The following L1TD1 variants were observed in gnomAD, a reference collection of about 807,000 sequenced individuals.
The protein encoded by L1TD1 is LINE-1 type transposase domain-containing protein 1.
A neutral mutation model predicts 25.7 loss-of-function variants in L1TD1; 26 were observed. That is an observed-to-expected ratio of 1.01 (90% CI 0.74 to 1.40). The LOEUF is 1.40. Among genes scored for constraint, L1TD1 ranks in the 40% most tolerant of loss-of-function variants. L1TD1 has a pLI of 0.00. For synonymous variants in L1TD1, 421 were observed against 335.6 expected (o/e 1.25, Z -2.78); for missense variants, 1,130 against 975.0 (o/e 1.16, Z -2.12).
At chr1:62,198,322 T>A in intron 2 of L1TD1, among the ~76,000 whole-genome samples, 1 of 148,080 alleles carries the variant, frequency 6.8e-6, no homozygotes. Context: ...GAGTGAGATC[T>A]CAAAAAAAAA....
At position 62,205,443 on chromosome 1, in the gene L1TD1, A is replaced by ATTTTTTTTTTTTTTTTTTTT. The variant is rs1261055805; in HGVS notation, c.-110-1067_-110-1066insTTTTTTTTTTTTTTTTTTTT. Among the ~76,000 whole-genome samples, 144 of 63,522 alleles carry ATTTTTTTTTTTTTTTTTTTT rather than the reference A, an allele frequency of 2.3e-3. 6 individuals are homozygous for ATTTTTTTTTTTTTTTTTTTT. The highest frequency in any genetic ancestry group is 2.9e-3 in the Non-Finnish European group (93 of 32,484). 41.7% of individuals were successfully genotyped at this position (63,522 alleles called of 152,430 possible). A position where few individuals can be genotyped will look rare whatever the true frequency, so the allele number is the denominator to read the frequency against. ...TATATATATATATATATATATATAT[A>ATTTTTTTTTTTTTTTTTTTT]TTTTTTTTTAGACAGTCTTGCTGTG... On this transcript the variant is annotated intron_variant, in intron 2 of 3. Coordinates refer to ENST00000498273, the MANE Select transcript of L1TD1 (RefSeq NM_019079.5).
intron 2 of L1TD1, among the ~76,000 whole-genome samples, chr1:62,204,672 A>G (rs1017394003): frequency 2.6e-5 from 4 of 152,058 alleles, no homozygotes; most frequent in Admixed American, 6.6e-5. Context: ...CCAGAGTGCT[A>G]GGATTACAGG....
intron 2 of L1TD1, 98 bp downstream of exon 2, chr1:62,196,626 C>G (rs1344853805): frequency 6.6e-6 from 1 of 152,212 alleles, no homozygotes. Flanking sequence ...GAGTTTCGCT[C>G]TTGTCGCCCA....
intron 2 of L1TD1, 136 bp downstream of exon 2, chr1:62,196,664 C>T (rs546085971): frequency 6.6e-6 from 1 of 152,330 alleles, no homozygotes; most frequent in Admixed American, 6.5e-5. Context: ...GCCATCTCCG[C>T]TCACTGCAAC....
rs535425231 is a variant in L1TD1, at chr1:62,207,564, A to T, written c.936A>T (p.Leu312Phe). The change falls in exon 3 of 4, where the codon TTA becomes TTT. Residue 312 changes from leucine (L) to phenylalanine (F), a missense_variant. Leu to Phe is a conservative substitution (Grantham distance 22). Transcript: ENST00000498273. Reference sequence around the variant, plus strand: ...GCCAAAAATCTTCTGTGAAAGAATTACTGAAAGATGTACTCCCACAAAAGG... The same window carrying T: ...GCCAAAAATCTTCTGTGAAAGAATTTCTGAAAGATGTACTCCCACAAAAGG... ...FASQKSSVKE[L>F]LKDVLPQKEE... is the part of the protein sequence containing the mutation. 4 of 1,550,988 alleles carry T rather than the reference A, an allele frequency of 2.6e-6. No individual in the cohort carries two copies. The East Asian group carries it at 9.8e-5, about 38-fold the overall frequency.
chr1:62,207,632 A>G lies in L1TD1; in HGVS notation c.1004A>G (p.Lys335Arg). The G allele has an allele frequency of 6.5e-7, 1 of 1,531,030 alleles. No homozygotes were observed. The allele number at this position is 1,531,030 out of a possible 1,614,324, so 94.8% of individuals were successfully genotyped here. Residue 335 changes from lysine to arginine, a missense_variant, in exon 3 of 4, where the codon AAA becomes AGA. Coordinates refer to ENST00000498273, the MANE Select transcript of L1TD1 (RefSeq NM_019079.5). ...GGAAGAAAATATGGAATTCAAGAAAAAAGGGTAAGCATACAAATGTATAAA... is the reference window on the plus strand; with the variant it reads ...GGAAGAAAATATGGAATTCAAGAAAGAAGGGTAAGCATACAAATGTATAAA... ...QGGRKYGIQE[K>R]RDKTLIDSKH...
chr1:62,211,231 T>A lies in L1TD1; in HGVS notation c.2457T>A (p.Phe819Leu). ...TCAAAGTTCTGCTGGAAAAAGGCTTTAATCCTAGAATCCTATATCCAGCCA... is the reference window on the plus strand; with the variant it reads ...TCAAAGTTCTGCTGGAAAAAGGCTTAAATCCTAGAATCCTATATCCAGCCA... ...NVFKVLLEKG[F>L]NPRILYPAKM... is the part of the protein sequence containing the mutation. The change falls in exon 4 of 4, where the codon TTT becomes TTA. Residue 819 changes from phenylalanine (F) to leucine (L), a missense_variant. Phe to Leu is a conservative substitution (Grantham distance 22, BLOSUM62 0). Coordinates refer to ENST00000498273, the MANE Select transcript of L1TD1 (RefSeq NM_019079.5). The A allele has an allele frequency of 6.4e-7, 1 of 1,570,838 alleles. No individual in the cohort carries two copies. Among genetic ancestry groups the A allele is most frequent in the Non-Finnish European group, 8.6e-7 (1 of 1,157,172 alleles).
chr1:62,206,829 G>C lies in L1TD1; in HGVS notation c.201G>C (p.Glu67Asp). Residue 67 changes from glutamate (E) to aspartate (D), a missense_variant, in exon 3 of 4, where the codon GAG becomes GAC. Physicochemically the swap from Glu to Asp is conservative, Grantham distance 45. Coordinates refer to ENST00000498273, the MANE Select transcript of L1TD1 (RefSeq NM_019079.5). ...VLMEIQDLMF[E>D]EMRETLKNDL... ...TGGAAATTCAAGACCTGATGTTTGA[G>C]GAGATGAGGGAAACTCTTAAAAATG... is the stretch of plus-strand genomic sequence containing the variant. 1 of 1,608,082 alleles carries C rather than the reference G, an allele frequency of 6.2e-7. No individual in the cohort carries two copies. The highest frequency in any genetic ancestry group is 8.5e-7 in the Non-Finnish European group (1 of 1,176,842).
chr1:62,196,041 A>G (rs965666189), intron 1 of L1TD1, among the ~76,000 whole-genome samples: 118 of 152,296 alleles, frequency 7.7e-4, no homozygotes, highest in African/African-American at 2.7e-3. Flanking sequence ...CGTCTCAAAA[A>G]AAAAAAAAAG....
rs1388081967 is a variant in L1TD1, at chr1:62,210,613, A to G, written c.1839A>G (p.Thr613=). 3.7e-6 allele frequency: 6 copies of G among 1,602,122 alleles called. No homozygotes were observed. Among genetic ancestry groups the G allele is most frequent in the Non-Finnish European group, 5.1e-6 (6 of 1,174,604 alleles). The part of the protein sequence containing the change: ...TSKEADLTEE[T]EENLRSSVIN... ...AAGAAGCAGACTTAACAGAGGAAAC[A>G]GAAGAAAACTTGAGAAGTAGTGTGA... The change falls in exon 4 of 4, where the codon ACA becomes ACG. Residue 613 remains threonine, a synonymous_variant. Transcript: ENST00000498273.
At chr1:62,197,439 G>A (rs990190613) in intron 2 of L1TD1, among the ~76,000 whole-genome samples, 4 of 114,772 alleles carry the variant, frequency 3.5e-5, no homozygotes, top group African/African-American at 1.3e-4. Flanking sequence ...ATATAGTTTA[G>A]TCCTGCTACT....
At chr1:62,197,397 TTATATATATATA>T (rs10528649) in intron 2 of L1TD1, among the ~76,000 whole-genome samples, 11,666 of 80,654 alleles carry the variant, frequency 0.14, 837 homozygotes, top group Non-Finnish European at 0.22. Context: ...AAAAAATAAA[TTATATATATATA>T]TATATATATA....
In L1TD1 at chr1:62,205,451, T is replaced by TTTTTTTTTTTTTTC. The variant is rs1290068468; in HGVS notation, c.-110-1067_-110-1066insTTTTTTTTTTTTCT. Among the ~76,000 whole-genome samples the TTTTTTTTTTTTTTC allele has an allele frequency of 1.6e-5, 2 of 122,356 alleles. 1 individual carries two copies. The highest frequency in any genetic ancestry group is 6.5e-5 in the African/African-American group (2 of 30,708). The allele number at this position is 122,356 out of a possible 152,430, so 80.3% of individuals were successfully genotyped here. On this transcript the variant is annotated intron_variant, in intron 2 of 3. Coordinates refer to ENST00000498273, the MANE Select transcript of L1TD1 (RefSeq NM_019079.5). Reference sequence around the variant, plus strand: ...TATATATATATATATATATTTTTTTTTAGACAGTCTTGCTGTGTTGCCCAG... The same window carrying TTTTTTTTTTTTTTC: ...TATATATATATATATATATTTTTTTTTTTTTTTTTTTTTCTAGACAGTCTTGCTGTGTTGCCCAG...
intron 2 of L1TD1, among the ~76,000 whole-genome samples, chr1:62,200,252 C>T (rs996726081): frequency 1.6e-4 from 24 of 152,272 alleles, no homozygotes; most frequent in African/African-American, 5.3e-4. Flanking sequence ...TCTCAGCTCA[C>T]TGCAACCTCC....
At position 62,210,988 on chromosome 1, in the gene L1TD1, T is replaced by C. The variant is rs1314687688; in HGVS notation, c.2214T>C (p.Leu738=). ...NFAELKKGSS[L]EIVSACRVPS... ...CAGAACTAAAGAAAGGTTCAAGTCT[T>C]GAGATTGTCAGTGCTTGTCGAGTAC... The change falls in exon 4 of 4, where the codon CTT becomes CTC. Residue 738 remains leucine, a synonymous_variant. Transcript: ENST00000498273. 4.5e-6 allele frequency: 7 copies of C among 1,546,120 alleles called. No individual in the cohort carries two copies. Among genetic ancestry groups the C allele is most frequent in the Non-Finnish European group, 6.1e-6 (7 of 1,145,614 alleles).
intron 2 of L1TD1, among the ~76,000 whole-genome samples, chr1:62,204,736 T>C (rs907177989): frequency 1.3e-5 from 2 of 152,056 alleles, no homozygotes; most frequent in Non-Finnish European, 2.9e-5. Context: ...CATATATCTT[T>C]TGCCCTGACA....
In L1TD1 at chr1:62,207,036, A is replaced by G; in HGVS notation, c.408A>G (p.Lys136=). 6.2e-7 allele frequency: 1 copy of G among 1,613,748 alleles called. No individual in the cohort carries two copies. Among genetic ancestry groups the G allele is most frequent in the East Asian group, 2.2e-5 (1 of 44,860 alleles). ...IGDDNENLTF[K]LEVNELSGKL... Reference sequence around the variant, plus strand: ...ATGATAATGAAAATTTAACCTTTAAATTAGAAGTAAATGAGCTGAGTGGTA... The same window carrying G: ...ATGATAATGAAAATTTAACCTTTAAGTTAGAAGTAAATGAGCTGAGTGGTA... Residue 136 remains lysine, a synonymous_variant, in exon 3 of 4, where the codon AAA becomes AAG. Transcript: ENST00000498273.
chr1:62,211,376 G>T lies in L1TD1; in HGVS notation c.*4G>T, dbSNP rs1056517. 802,542 of 1,571,746 alleles carry T rather than the reference G, an allele frequency of 0.51. 213,664 individuals carry two copies. The highest frequency in any genetic ancestry group is 0.55 in the Non-Finnish European group (642,322 of 1,161,664). Reference sequence around the variant, plus strand: ...ACTGGGGAATAATATACCTTAGCACGCCAGGGTGACTACAAACAATATGCT... The same window carrying T: ...ACTGGGGAATAATATACCTTAGCACTCCAGGGTGACTACAAACAATATGCT... On this transcript the variant is annotated 3_prime_UTR_variant, in exon 4 of 4. Coordinates refer to ENST00000498273, the MANE Select transcript of L1TD1 (RefSeq NM_019079.5).
rs1371853324 is a variant in L1TD1 at position 62,207,053 on chromosome 1, T to C, written c.425T>C (p.Leu142Pro). 2 of 1,613,984 alleles carry C rather than the reference T, an allele frequency of 1.2e-6. No homozygotes were observed. Among genetic ancestry groups the C allele is most frequent in the Admixed American group, 3.3e-5 (2 of 59,986 alleles). The change falls in exon 3 of 4, where the codon CTG becomes CCG. Residue 142 changes from leucine to proline, a missense_variant. Coordinates refer to ENST00000498273, the MANE Select transcript of L1TD1 (RefSeq NM_019079.5). ...NLTFKLEVNE[L>P]SGKLDNTNEY... The stretch of plus-strand genomic sequence containing the variant: ...ACCTTTAAATTAGAAGTAAATGAGC[T>C]GAGTGGTAAATTAGACAACACTAAC...
Sources: gnomAD v4.1 joint callset for allele counts (sites outside exome capture counted in the v4.1 genomes callset) on GRCh38, gnomAD v4.1.1 for gene constraint, MANE v1.5 for transcripts, NCBI Gene and HGNC (gene_info 2026-07-23, HGNC 2026-07-21) for gene names.